Variants in DAB1 observed in about 807,000 individuals in gnomAD.
DAB1 encodes DAB adaptor protein 1.
In DAB1, 15 loss-of-function variants were observed where a neutral mutation model predicts 64.6. The observed-to-expected ratio is 0.23, with a 90% CI of 0.16 to 0.36. DAB1 has a LOEUF of 0.36. Among genes scored for constraint, DAB1 ranks in the 10% least tolerant of loss-of-function variants. The probability of loss-of-function intolerance (pLI) is 1.00; values close to 1 mark genes in which losing one functional copy is unlikely to be tolerated. For synonymous variants in DAB1, 235 were observed against 251.9 expected (o/e 0.93, Z 0.64); for missense variants, 596 against 706.7 (o/e 0.84, Z 1.78).
chr1:57,919,560 C>A (rs2102020752), intron 5 of DAB1, among the ~76,000 whole-genome samples: 1 of 152,280 alleles, frequency 6.6e-6, no homozygotes, highest in East Asian at 1.9e-4. Flanking sequence ...TAGGTCAGAC[C>A]ACCTGGGTTC....
intron 1 of DAB1, among the ~76,000 whole-genome samples, chr1:57,329,144 G>A (rs534343535): frequency 3.0e-4 from 46 of 152,268 alleles, no homozygotes; most frequent in African/African-American, 1.1e-3. Context: ...CAAAGCAGCT[G>A]GAGTCCAGCA....
intron 2 of DAB1, among the ~76,000 whole-genome samples, chr1:58,506,411 A>G (rs1359348841): frequency 1.3e-5 from 2 of 152,210 alleles, no homozygotes; most frequent in Non-Finnish European, 2.9e-5. Context: ...AGCATTAGTT[A>G]TATCTCCTAA....
chr1:57,676,740 A>C (rs935370838), intron 6 of DAB1, among the ~76,000 whole-genome samples: 3 of 152,216 alleles, frequency 2.0e-5, no homozygotes, highest in Non-Finnish European at 2.9e-5. Context: ...GCTGATCTCC[A>C]AATATGCCAT....
chr1:57,708,561 T>C (rs1646993295), intron 6 of DAB1, among the ~76,000 whole-genome samples: 1 of 152,202 alleles, frequency 6.6e-6, no homozygotes, highest in Non-Finnish European at 1.5e-5. Flanking sequence ...AAATTTATTC[T>C]GGGTCCCAGG....
At chr1:58,142,151 GC>G (rs1654320819) in intron 5 of DAB1, among the ~76,000 whole-genome samples, 1 of 151,894 alleles carries the variant, frequency 6.6e-6, no homozygotes, top group Admixed American at 6.6e-5. Context: ...CACACTACTG[GC>G]TCCTCCACAG....
chr1:57,127,888 C>T lies in DAB1; in HGVS notation c.306+8655G>A, dbSNP rs142144179. ...CCTGTCCGGGCGTGGTAGTTCACACCTGTAATCCCAGCACTTTGGGAGGCC... is the reference window on the plus strand; with the variant it reads ...CCTGTCCGGGCGTGGTAGTTCACACTTGTAATCCCAGCACTTTGGGAGGCC... On this transcript the variant is annotated intron_variant, in intron 4 of 14. Transcript: ENST00000371236. Among the ~76,000 whole-genome samples, 316 of 152,282 alleles carry T rather than the reference C, an allele frequency of 2.1e-3. 1 individual carries two copies. The highest frequency in any genetic ancestry group is 7.3e-3 in the African/African-American group (302 of 41,562).
intron 3 of DAB1, among the ~76,000 whole-genome samples, chr1:58,362,779 G>A (rs1205987162): frequency 1.3e-5 from 2 of 152,218 alleles, no homozygotes; most frequent in Non-Finnish European, 1.5e-5. Flanking sequence ...ATTTGCCAGT[G>A]AGAAAACTGC....
intron 6 of DAB1, among the ~76,000 whole-genome samples, chr1:57,730,358 C>T (rs1260217608): frequency 6.6e-6 from 1 of 152,220 alleles, no homozygotes; most frequent in Non-Finnish European, 1.5e-5. Flanking sequence ...CTCCAAAGCT[C>T]TTAACTCCTG....
At chr1:57,359,957 G>A (rs2100893182) in intron 1 of DAB1, among the ~76,000 whole-genome samples, 1 of 151,998 alleles carries the variant, frequency 6.6e-6, no homozygotes, top group East Asian at 1.9e-4. Flanking sequence ...GGGAAGGATG[G>A]GGCAATATTG....
At chr1:57,176,780 C>T (rs933429397) in intron 2 of DAB1, among the ~76,000 whole-genome samples, 1 of 151,784 alleles carries the variant, frequency 6.6e-6, no homozygotes, top group Non-Finnish European at 1.5e-5. Flanking sequence ...AGAGAGGAGA[C>T]CTTCTGGGGG....
intron 5 of DAB1, among the ~76,000 whole-genome samples, chr1:57,978,300 AAATAAGC>A (rs1227405880): frequency 2.6e-5 from 4 of 152,210 alleles, no homozygotes; most frequent in African/African-American, 9.6e-5. Context: ...AACCTGAAAC[AAATAAGC>A]AATGGGGAAA....
chr1:57,181,269 A>G (rs1662899210), intron 2 of DAB1, among the ~76,000 whole-genome samples: 2 of 152,214 alleles, frequency 1.3e-5, no homozygotes, highest in African/African-American at 4.8e-5. Context: ...TACAGAAGAA[A>G]GGCTTGCTGT....
chr1:57,030,294 C>T (rs1045229856), intron 9 of DAB1, among the ~76,000 whole-genome samples: 1 of 152,228 alleles, frequency 6.6e-6, no homozygotes, highest in Non-Finnish European at 1.5e-5. Flanking sequence ...AATTAAACCT[C>T]TTTTTCTGTC....
At chr1:57,712,361 T>C (rs1232593213) in intron 6 of DAB1, among the ~76,000 whole-genome samples, 1 of 152,214 alleles carries the variant, frequency 6.6e-6, no homozygotes, top group Non-Finnish European at 1.5e-5. Flanking sequence ...GGTACCTTGA[T>C]TAACTCATAG....
At chr1:57,623,713 T>C (rs1645889094) in intron 7 of DAB1, among the ~76,000 whole-genome samples, 1 of 152,146 alleles carries the variant, frequency 6.6e-6, no homozygotes, top group Non-Finnish European at 1.5e-5. Context: ...TTCTGTGTTT[T>C]GAAATAGTCA....
At chr1:57,010,442 G>A (rs1646229190) in intron 14 of DAB1, among the ~76,000 whole-genome samples, 1 of 152,108 alleles carries the variant, frequency 6.6e-6, no homozygotes, top group African/African-American at 2.4e-5. Context: ...AAAGTAGAAC[G>A]TAGACACCAG....
intron 7 of DAB1, among the ~76,000 whole-genome samples, chr1:57,464,877 G>GT (rs59090758): frequency 0.05 from 7,171 of 143,776 alleles, 188 homozygotes; most frequent in East Asian, 0.16. Flanking sequence ...TACACATCAA[G>GT]TTTTTTTTTT....
intron 7 of DAB1, among the ~76,000 whole-genome samples, chr1:57,628,302 A>C (rs1181867089): frequency 1.3e-5 from 2 of 152,238 alleles, no homozygotes; most frequent in African/African-American, 4.8e-5. Flanking sequence ...GTTAGCAATT[A>C]ATTTTAGAGG....
intron 5 of DAB1, among the ~76,000 whole-genome samples, chr1:57,889,922 A>C (rs920401329): frequency 6.7e-6 from 1 of 149,158 alleles, no homozygotes; most frequent in African/African-American, 2.5e-5. Context: ...GGGGGAAGAA[A>C]TCACTGGAGT....
Sources: gnomAD v4.1 joint callset for allele counts (sites outside exome capture counted in the v4.1 genomes callset) on GRCh38, gnomAD v4.1.1 for gene constraint, MANE v1.5 for transcripts, NCBI Gene and HGNC (gene_info 2026-07-23, HGNC 2026-07-21) for gene names.